Variants in PER3 observed in about 807,000 individuals in gnomAD.
PER3 encodes the protein period circadian protein homolog 3.
A neutral mutation model predicts 127.2 loss-of-function variants in PER3; 107 were observed. The observed-to-expected ratio is 0.84, with a 90% confidence interval of 0.72 to 0.99. The LOEUF (loss-of-function observed/expected upper bound fraction) is 0.99, where lower values mean the gene tolerates loss of function less well. PER3 is among the 50% of genes least tolerant of loss of function. PER3 has a pLI of 0.00. For synonymous variants in PER3, 618 were observed against 585.8 expected (o/e 1.05, Z -0.79); for missense variants, 1,560 against 1,525.8 (o/e 1.02, Z -0.37).
Position 7,809,987 on chromosome 1 carries a change from G to A in PER3, c.1337G>A (p.Ser446Asn), listed in dbSNP as rs1322992162. 1.2e-6 allele frequency: 2 copies of A among 1,613,828 alleles called. No homozygotes were observed. The highest frequency in any genetic ancestry group is 1.1e-5 in the South Asian group (1 of 91,076). ...LVSIASSSEASGHRVEETKAE... is the reference protein window; with the variant it reads ...LVSIASSSEANGHRVEETKAE... ...AGCATCGCCTCCTCCAGTGAGGCCA[G>A]TGGGCACCGTGTGGAGGAGACGAAG... Residue 446 changes from serine (S) to asparagine (N), a missense_variant, in exon 12 of 22, where the codon AGT becomes AAT. By Grantham distance (46) the Ser-to-Asn change is conservative. This residue lies in a region of PER3 where 1,332 missense variants were observed against 1,223.6 expected (regional missense o/e 1.09). Coordinates refer to ENST00000377532, the MANE Select transcript of PER3 (RefSeq NM_001377275.1).
intron 5 of PER3, among the ~76,000 whole-genome samples, chr1:7,792,711 C>G (rs999960158): frequency 2.0e-5 from 3 of 152,188 alleles, no homozygotes; most frequent in African/African-American, 7.2e-5. Flanking sequence ...ACCTCTGGTC[C>G]TGTATTAGAA....
intron 13 of PER3, 105 bp from the exon 14 acceptor site, chr1:7,819,180 G>C: frequency 2.2e-6 from 2 of 892,568 alleles, no homozygotes; most frequent in South Asian, 1.7e-5. Context: ...ATATTCTGTT[G>C]ATATATACAT....
At chr1:7,842,036 T>A (rs2097392428) in intron 21 of PER3, among the ~76,000 whole-genome samples, 1 of 152,180 alleles carries the variant, frequency 6.6e-6, no homozygotes, top group South Asian at 2.1e-4. Flanking sequence ...CTGTCCTGAA[T>A]ACTGTAGGCC....
intron 19 of PER3, among the ~76,000 whole-genome samples, chr1:7,831,247 A>C (rs1028581919): frequency 1.3e-5 from 2 of 152,156 alleles, no homozygotes; most frequent in Non-Finnish European, 2.9e-5. Context: ...TAAATTTTCA[A>C]TTTGCAATTG....
At chr1:7,800,186 C>T (rs1470686179) in intron 7 of PER3, among the ~76,000 whole-genome samples, 1 of 151,110 alleles carries the variant, frequency 6.6e-6, no homozygotes, top group African/African-American at 2.4e-5. Context: ...AGCATTTGCT[C>T]ATACCATTCC....
intron 13 of PER3, among the ~76,000 whole-genome samples, chr1:7,815,779 A>T (rs2097246093): frequency 6.6e-6 from 1 of 151,614 alleles, no homozygotes; most frequent in Non-Finnish European, 1.5e-5. Flanking sequence ...AGATAAGGAG[A>T]TCGAGACCAT....
chr1:7,789,576 G>A (rs1346941620), intron 5 of PER3, among the ~76,000 whole-genome samples: 1 of 152,186 alleles, frequency 6.6e-6, no homozygotes, highest in Non-Finnish European at 1.5e-5. Flanking sequence ...TCTTGGGTCT[G>A]TCTTTATCAG....
chr1:7,829,722 G>T, intron 18 of PER3, 112 bp from the exon 19 acceptor site: 3 of 834,258 alleles, frequency 3.6e-6, no homozygotes, highest in Non-Finnish European at 5.7e-6. Context: ...TTTGGACCTT[G>T]GTTGACCACA....
chr1:7,795,329 G>A (rs1469514769), intron 6 of PER3, among the ~76,000 whole-genome samples: 2 of 152,226 alleles, frequency 1.3e-5, no homozygotes, highest in Non-Finnish European at 2.9e-5. Flanking sequence ...TCTGTGAGGA[G>A]GAGACCAATA....
chr1:7,791,540 A>G (rs2097121208), intron 5 of PER3, among the ~76,000 whole-genome samples: 1 of 152,200 alleles, frequency 6.6e-6, no homozygotes, highest in African/African-American at 2.4e-5. Flanking sequence ...CATGCCCTGA[A>G]GACATTTTCC....
Position 7,807,545 on chromosome 1 carries a change from T to TG in PER3, c.1137-1343dup, listed in dbSNP as rs1344709206. ...TAATGGAAAAAGGACAGCCCAGGCT[T>TG]GGGGGTCAGACGTAGGCGGATTCAA... On this transcript the variant is annotated intron_variant, in intron 10 of 21. Transcript: ENST00000377532. Among the ~76,000 whole-genome samples the TG allele has an allele frequency of 5.9e-5, 9 of 152,256 alleles. No homozygotes were observed. The East Asian group carries it at 1.7e-3, about 29-fold the overall frequency.
chr1:7,833,640 G>A (rs1186007675), intron 19 of PER3, among the ~76,000 whole-genome samples: 3 of 152,048 alleles, frequency 2.0e-5, no homozygotes, highest in Admixed American at 1.3e-4. Context: ...TTTAAAGTAA[G>A]TTTCTCGTAA....
chr1:7,812,689 T>C (rs1351811859), intron 13 of PER3, among the ~76,000 whole-genome samples: 1 of 151,562 alleles, frequency 6.6e-6, no homozygotes, highest in Non-Finnish European at 1.5e-5. Context: ...TGCAGCTACT[T>C]TAGAAACTGA....
At position 7,817,846 on chromosome 1, in the gene PER3, C is replaced by T. The variant is rs544968644; in HGVS notation, c.1523-1439C>T. Among the ~76,000 whole-genome samples the T allele has an allele frequency of 3.9e-3, 589 of 152,266 alleles. 2 individuals carry two copies. The highest frequency in any genetic ancestry group is 0.01 in the Admixed American group (154 of 15,288). ...AAGTTTAAAAGAAACAGAATACTTG[C>T]GTGATCTCAAAGTATTCCTCCAAAA... On this transcript the variant is annotated intron_variant, in intron 13 of 21. Transcript: ENST00000377532.
Position 7,844,771 on chromosome 1 carries a change from G to T in PER3, c.*2016G>T, listed in dbSNP as rs910369055. On this transcript the variant is annotated 3_prime_UTR_variant, in exon 22 of 22. Transcript: ENST00000377532. Reference sequence around the variant, plus strand: ...CTCCCAGGTTGCACCTGCTGCTGGCGGTGAGCAGGGGGTTCAGCAGCTTGA... The same window carrying T: ...CTCCCAGGTTGCACCTGCTGCTGGCTGTGAGCAGGGGGTTCAGCAGCTTGA... 6.5e-6 allele frequency: 1 copy of T among 152,732 alleles called. No individual in the cohort carries two copies. The highest frequency in any genetic ancestry group is 1.5e-5 in the Non-Finnish European group (1 of 68,048). 9.5% of individuals were successfully genotyped at this position (152,732 alleles called of 1,614,324 possible). A position where few individuals can be genotyped will look rare whatever the true frequency, so the allele number is the denominator to read the frequency against.
chr1:7,836,465 C>T (rs2097359104), intron 20 of PER3, among the ~76,000 whole-genome samples: 2 of 152,200 alleles, frequency 1.3e-5, no homozygotes, highest in South Asian at 4.1e-4. Flanking sequence ...AGGCGTGAGC[C>T]ACTGCACCCG....
At chr1:7,806,812 A>AAAAATATATATAT (rs61141023) in intron 10 of PER3, among the ~76,000 whole-genome samples, 11 of 60,630 alleles carry the variant, frequency 1.8e-4, no homozygotes, top group African/African-American at 7.5e-4. Flanking sequence ...AAAAAAAAAA[A>AAAAATATATATAT]ATATATATAT....
chr1:7,833,138 A>G (rs2097341081), intron 19 of PER3, among the ~76,000 whole-genome samples: 1 of 152,206 alleles, frequency 6.6e-6, no homozygotes, highest in Non-Finnish European at 1.5e-5. Flanking sequence ...GCAGTCAGAG[A>G]ACATTCTTTT....
At position 7,835,818 on chromosome 1, in the gene PER3, CA is replaced by C; in HGVS notation, c.3275del (p.Asn1092MetfsTer25). Reference protein sequence around the residue: ...TSSVYSSKISQNGQQSQDVQK... With the variant: ...TSSVYSSKISXNGQQSQDVQK... ...TAGTGTTTATTCTTCTAAAATCTCC[CA>C]AAATGGGCAGCAATCTCAGGACGTA... On this transcript the variant is annotated frameshift_variant, in exon 20 of 22. Transcript: ENST00000377532. LOFTEE classifies it high-confidence loss of function. 6.2e-7 allele frequency: 1 copy of C among 1,612,400 alleles called. No homozygotes were observed. Among genetic ancestry groups the C allele is most frequent in the Non-Finnish European group, 8.5e-7 (1 of 1,178,516 alleles).
Sources: gnomAD v4.1 joint callset for allele counts (sites outside exome capture counted in the v4.1 genomes callset) on GRCh38, gnomAD v4.1.1 for gene constraint, gnomAD v4.1.1 regional missense constraint, MANE v1.5 for transcripts, NCBI Gene and HGNC (gene_info 2026-07-23, HGNC 2026-07-21) for gene names.